NTNG1: variants seen among roughly 807,000 people sequenced by gnomAD.
NTNG1 encodes the protein netrin G1, also known as netrin-G1.
A neutral mutation model predicts 54.0 loss-of-function variants in NTNG1; 16 were observed. That is an observed-to-expected ratio of 0.30 (90% CI 0.20 to 0.45). NTNG1 has a LOEUF of 0.45. Among genes scored for constraint, NTNG1 ranks in the 20% least tolerant of loss-of-function variants. The pLI, the probability that NTNG1 is intolerant of heterozygous loss-of-function variation, is 1.00. For synonymous variants in NTNG1, 255 were observed against 263.1 expected, an observed-to-expected ratio of 0.97 and a Z score of 0.30; for missense variants, 530 against 678.7, an observed-to-expected ratio of 0.78 and a Z score of 2.43.
At chr1:107,459,891 A>T (rs1021740933) in intron 7 of NTNG1, among the ~76,000 whole-genome samples, 21 of 152,164 alleles carry the variant, frequency 1.4e-4, no homozygotes, top group Admixed American at 6.5e-5. Context: ...CCAGTGGGGA[A>T]ATTTAAATCA....
At chr1:107,397,619 A>C (rs1415845707) in intron 4 of NTNG1, among the ~76,000 whole-genome samples, 11 of 152,182 alleles carry the variant, frequency 7.2e-5, no homozygotes, top group Admixed American at 5.9e-4. Context: ...GTTTAGCCTA[A>C]CACCTGTCAC....
intron 2 of NTNG1, among the ~76,000 whole-genome samples, chr1:107,214,398 CT>C (rs1465400321): frequency 6.6e-6 from 1 of 152,180 alleles, no homozygotes; most frequent in Non-Finnish European, 1.5e-5. Flanking sequence ...AGTTGCTTCA[CT>C]TAGAATAATG....
At chr1:107,431,184 C>T (rs904210457) in intron 6 of NTNG1, among the ~76,000 whole-genome samples, 1 of 152,046 alleles carries the variant, frequency 6.6e-6, no homozygotes, top group Non-Finnish European at 1.5e-5. Context: ...TTTCTTTCTT[C>T]CCGTTTTTTG....
chr1:107,324,197 TAGCC>T, intron 2 of NTNG1, 81 bp from the exon 3 acceptor site: 10 of 1,257,990 alleles, frequency 7.9e-6, no homozygotes, highest in Admixed American at 6.4e-5. Context: ...TTTCCTTTTC[TAGCC>T]TCTTACTGAG....
In NTNG1 at chr1:107,375,278, C is replaced by T. The variant is rs889204341; in HGVS notation, c.888-19876C>T. On this transcript the variant is annotated intron_variant, in intron 3 of 7. Transcript: ENST00000370068. ...GAGTCTAGTAGCTCAGCCTGCGTTC[C>T]TCCTTTCTACACTCTGGCAAGCTAA... Among the ~76,000 whole-genome samples the T allele has an allele frequency of 9.2e-5, 14 of 152,332 alleles. 1 individual carries two copies. In the East Asian group the frequency reaches 1.9e-3, roughly 21 times the overall value.
At chr1:107,471,083 ATGGT>A (rs1427802124) in intron 7 of NTNG1, among the ~76,000 whole-genome samples, 6 of 152,072 alleles carry the variant, frequency 3.9e-5, no homozygotes, top group Non-Finnish European at 8.8e-5. Context: ...AGTTTTTTCT[ATGGT>A]TTGGCAAAAG....
intron 2 of NTNG1, among the ~76,000 whole-genome samples, chr1:107,293,377 G>A (rs980256345): frequency 2.0e-5 from 3 of 152,138 alleles, no homozygotes; most frequent in African/African-American, 4.8e-5. Flanking sequence ...TCCTAAGGAA[G>A]CAATTGGAAA....
chr1:107,327,636 C>T (rs1236859382), intron 3 of NTNG1, among the ~76,000 whole-genome samples: 1 of 151,608 alleles, frequency 6.6e-6, no homozygotes, highest in Non-Finnish European at 1.5e-5. Flanking sequence ...ATGATTGCAA[C>T]ATTTAACATG....
chr1:107,199,244 A>C (rs1440373541), intron 2 of NTNG1, among the ~76,000 whole-genome samples: 1 of 151,070 alleles, frequency 6.6e-6, no homozygotes, highest in Non-Finnish European at 1.5e-5. Flanking sequence ...ATGTATTCTC[A>C]TGTAGCCAGA....
At chr1:107,454,367 C>T (rs1291869886) in intron 7 of NTNG1, among the ~76,000 whole-genome samples, 2 of 152,154 alleles carry the variant, frequency 1.3e-5, no homozygotes, top group South Asian at 2.1e-4. Context: ...ACTCAGATTA[C>T]CAGCTCACAA....
At chr1:107,374,045 T>C (rs1424683928) in intron 3 of NTNG1, among the ~76,000 whole-genome samples, 1 of 152,162 alleles carries the variant, frequency 6.6e-6, no homozygotes, top group Non-Finnish European at 1.5e-5. Flanking sequence ...TAGAGAGTCC[T>C]AGATTGACGT....
intron 2 of NTNG1, among the ~76,000 whole-genome samples, chr1:107,204,381 A>G (rs1327487513): frequency 6.6e-6 from 1 of 152,126 alleles, no homozygotes; most frequent in Admixed American, 6.6e-5. Flanking sequence ...GATACTTCTT[A>G]TCTCTTGTAT....
chr1:107,368,418 T>G (rs920486611), intron 3 of NTNG1, among the ~76,000 whole-genome samples: 14 of 152,218 alleles, frequency 9.2e-5, no homozygotes, highest in African/African-American at 3.4e-4. Context: ...CACTGTTGCT[T>G]TCCTCATTTT....
intron 2 of NTNG1, among the ~76,000 whole-genome samples, chr1:107,315,137 C>T (rs1256853814): frequency 6.6e-6 from 1 of 152,162 alleles, no homozygotes; most frequent in South Asian, 2.1e-4. Context: ...TTTATCACTT[C>T]TTGTTCTTCA....
intron 7 of NTNG1, among the ~76,000 whole-genome samples, chr1:107,467,961 A>C: frequency 6.6e-6 from 1 of 152,162 alleles, no homozygotes; most frequent in Admixed American, 6.5e-5. Flanking sequence ...ACACCAATTC[A>C]TTTTGCCTTG....
chr1:107,288,743 G>A (rs963629512), intron 2 of NTNG1, among the ~76,000 whole-genome samples: 1 of 152,098 alleles, frequency 6.6e-6, no homozygotes, highest in African/African-American at 2.4e-5. Flanking sequence ...GAGAAATTTG[G>A]TAGTTAATGG....
intron 2 of NTNG1, among the ~76,000 whole-genome samples, chr1:107,244,850 G>T (rs976759980): frequency 3.3e-5 from 5 of 152,200 alleles, no homozygotes; most frequent in African/African-American, 1.2e-4. Flanking sequence ...GGAGAATTTA[G>T]CTGTCACTTT....
At chr1:107,441,633 C>T (rs1044244903) in intron 7 of NTNG1, among the ~76,000 whole-genome samples, 4 of 152,022 alleles carry the variant, frequency 2.6e-5, no homozygotes, top group Non-Finnish European at 5.9e-5. Flanking sequence ...CTCTCCTTTT[C>T]AAGATCTTTA....
chr1:107,279,013 T>C (rs1425249393), intron 2 of NTNG1, among the ~76,000 whole-genome samples: 1 of 152,190 alleles, frequency 6.6e-6, no homozygotes, highest in Non-Finnish European at 1.5e-5. Flanking sequence ...AGGTTGATTC[T>C]AAAAGTTAAA....
Sources: gnomAD v4.1 joint callset for allele counts (sites outside exome capture counted in the v4.1 genomes callset) on GRCh38, gnomAD v4.1.1 for gene constraint, MANE v1.5 for transcripts, NCBI Gene and HGNC (gene_info 2026-07-23, HGNC 2026-07-21) for gene names.